ZNF845: variants seen among roughly 807,000 people sequenced by gnomAD.
ZNF845 encodes zinc finger protein 845.
Under a neutral mutation model 76.1 loss-of-function variants are expected in ZNF845, and 59 were observed. That is an observed-to-expected ratio of 0.78 (90% confidence interval 0.63 to 0.96). The LOEUF (loss-of-function observed/expected upper bound fraction) is 0.96. Ranked by LOEUF, ZNF845 falls within the 40% of genes least tolerant of loss-of-function variation. ZNF845 has a pLI of 0.00. For missense variants in ZNF845, 1,045 were observed against 1,172.8 expected (o/e 0.89, Z 1.59); for synonymous variants, 361 against 386.9 (o/e 0.93, Z 0.78).
intron 1 of ZNF845, among the ~76,000 whole-genome samples, chr19:53,335,676 G>A (rs1186573269): frequency 6.6e-6 from 1 of 151,876 alleles, no homozygotes; most frequent in African/African-American, 2.4e-5. Context: ...ATCTCGGCTC[G>A]CTGCAATTTC....
chr19:53,346,254 T>C, intron 3 of ZNF845: 1 of 283,002 alleles, frequency 3.5e-6, no homozygotes, highest in South Asian at 2.6e-5. Context: ...CTTTTTGCGT[T>C]TAATTGCTTT....
chr19:53,336,487 G>T (rs963082974), intron 1 of ZNF845, among the ~76,000 whole-genome samples: 9 of 152,088 alleles, frequency 5.9e-5, no homozygotes, highest in African/African-American at 2.2e-4. Flanking sequence ...TGCAGCCTGG[G>T]GGGCAGAGCG....
intron 1 of ZNF845, chr19:53,337,136 G>C (rs1219413170): frequency 2.2e-6 from 1 of 456,814 alleles, no homozygotes; most frequent in Non-Finnish European, 4.4e-6. Context: ...CTCTGCCCCA[G>C]TCATATTTGC....
At position 53,354,297 on chromosome 19, in the gene ZNF845, T is replaced by C. The variant is rs1270324885; in HGVS notation, c.*709T>C. The C allele has an allele frequency of 9.8e-6, 4 of 408,834 alleles. No homozygotes were observed. Among genetic ancestry groups the C allele is most frequent in the Non-Finnish European group, 2.0e-5 (4 of 201,496 alleles). The allele number at this position is 408,834 out of a possible 1,614,324, so 25.3% of individuals were successfully genotyped here. A position where few individuals can be genotyped will look rare whatever the true frequency, so the allele number is the denominator to read the frequency against. ...CAAACCATCAAGCATTAATTGGCATTAGAGTCAATTCAGCATTGACTTGAG... is the reference window on the plus strand; with the variant it reads ...CAAACCATCAAGCATTAATTGGCATCAGAGTCAATTCAGCATTGACTTGAG... On this transcript the variant is annotated 3_prime_UTR_variant, in exon 4 of 4. Transcript: ENST00000458035.
In ZNF845 at chr19:53,354,044, T is replaced by A. The variant is rs958741318; in HGVS notation, c.*456T>A. On this transcript the variant is annotated 3_prime_UTR_variant, in exon 4 of 4. Coordinates refer to ENST00000458035, the MANE Select transcript of ZNF845 (RefSeq NM_138374.3). ...TGGCAAGGTCTTCAGTCTAGCTTCA[T>A]CTTATGCAAAACAGGAGACTTCATA... is the stretch of plus-strand genomic sequence containing the variant. 26 of 479,158 alleles carry A rather than the reference T, an allele frequency of 5.4e-5. No homozygotes were observed. The highest frequency in any genetic ancestry group is 4.0e-5 in the African/African-American group (2 of 49,658). The allele number at this position is 479,158 out of a possible 1,614,324, so 29.7% of individuals were successfully genotyped here. A position where few individuals can be genotyped will look rare whatever the true frequency, so the allele number is the denominator to read the frequency against.
Position 53,334,050 on chromosome 19 carries a change from C to T in ZNF845, c.-74+258C>T, listed in dbSNP as rs375946039. On this transcript the variant is annotated intron_variant, in intron 1 of 3. Transcript: ENST00000458035. The stretch of plus-strand genomic sequence containing the variant: ...ATCGCGTAGTTTCCCTGCTCAAAAC[C>T]TTTTTCTGACTCCTCCCGACCCGCA... Among the ~76,000 whole-genome samples the T allele has an allele frequency of 2.5e-3, 385 of 152,344 alleles. 4 individuals carry two copies. The highest frequency in any genetic ancestry group is 8.8e-3 in the African/African-American group (364 of 41,580).
chr19:53,338,837 T>C (rs2085235920), intron 1 of ZNF845, among the ~76,000 whole-genome samples: 1 of 151,524 alleles, frequency 6.6e-6, no homozygotes, highest in South Asian at 2.1e-4. Context: ...TCCTACAGCT[T>C]TGGGAGGCTA....
rs777640786 is a variant in ZNF845, at chr19:53,351,007, C to T, written c.332C>T (p.Ala111Val). Residue 111 changes from alanine to valine, a missense_variant, in exon 4 of 4, where the codon GCA (alanine) becomes GTA (valine). Ala to Val is a moderately conservative substitution (Grantham distance 64). Coordinates refer to ENST00000458035, the MANE Select transcript of ZNF845 (RefSeq NM_138374.3). ...GAAGATGAAAGAAATAGCCATGAAG[C>T]ACCCATGACAGAAATCAAACAGTTG... Reference protein sequence around the residue: ...WKEDERNSHEAPMTEIKQLTG... With the variant: ...WKEDERNSHEVPMTEIKQLTG... 164 of 1,614,018 alleles carry T rather than the reference C, an allele frequency of 1.0e-4. No homozygotes were observed. Among genetic ancestry groups the T allele is most frequent in the Non-Finnish European group, 1.3e-4 (151 of 1,180,036 alleles).
At chr19:53,347,764 T>C (rs2085307009) in intron 3 of ZNF845, among the ~76,000 whole-genome samples, 1 of 152,210 alleles carries the variant, frequency 6.6e-6, no homozygotes, top group Non-Finnish European at 1.5e-5. Flanking sequence ...AGAAATAGCT[T>C]AGACTGGCCA....
In ZNF845 at chr19:53,355,332, C is replaced by CT. The variant is rs2085377862; in HGVS notation, c.*1745dup. Reference sequence around the variant, plus strand: ...GAATGATCTTTGCTCACTGCAACCTCTGTCTCCCACGTCCAAGCAATTCTG... The same window carrying CT: ...GAATGATCTTTGCTCACTGCAACCTCTTGTCTCCCACGTCCAAGCAATTCTG... On this transcript the variant is annotated 3_prime_UTR_variant, in exon 4 of 4. Coordinates refer to ENST00000458035, the MANE Select transcript of ZNF845 (RefSeq NM_138374.3). 6.6e-6 allele frequency: 1 copy of CT among 152,122 alleles called. No homozygotes were observed. The highest frequency in any genetic ancestry group is 2.4e-5 in the African/African-American group (1 of 41,442). The allele number at this position is 152,122 out of a possible 1,614,324, so 9.4% of individuals were successfully genotyped here. A position where few individuals can be genotyped will look rare whatever the true frequency, so the allele number is the denominator to read the frequency against.
chr19:53,335,721 G>C (rs1599964871), intron 1 of ZNF845, among the ~76,000 whole-genome samples: 1 of 152,146 alleles, frequency 6.6e-6, no homozygotes, highest in East Asian at 1.9e-4. Flanking sequence ...TACTGCCTCA[G>C]CCTCCCAAGT....
chr19:53,352,738 A>G lies in ZNF845; in HGVS notation c.2063A>G (p.Glu688Gly), dbSNP rs1402197889. ...TGCCATCGTAGACTTCATACTGGAG[A>G]GAAACCTTACAAGTGTAATGAGTGT... ...LTCHRRLHTG[E>G]KPYKCNECGK... is the part of the protein sequence containing the mutation. Residue 688 changes from glutamate (E) to glycine (G), a missense_variant, in exon 4 of 4, where the codon GAG (glutamate) becomes GGG (glycine). Transcript: ENST00000458035. The G allele has an allele frequency of 1.9e-6, 3 of 1,614,014 alleles. No homozygotes were observed. Among genetic ancestry groups the G allele is most frequent in the Non-Finnish European group, 2.5e-6 (3 of 1,180,016 alleles).
intron 1 of ZNF845, among the ~76,000 whole-genome samples, chr19:53,339,465 C>A (rs777534420): frequency 5.3e-5 from 8 of 152,190 alleles, no homozygotes; most frequent in African/African-American, 1.9e-4. Context: ...TTGATCCCCT[C>A]CCTCAAGTCT....
rs1301729216 is a variant in ZNF845 at position 53,351,315 on chromosome 19, T to G, written c.640T>G (p.Ser214Ala). The change falls in exon 4 of 4, where the codon TCT (serine) becomes GCT (alanine). Residue 214 changes from serine (S) to alanine (A), a missense_variant. Ser to Ala is a moderately conservative substitution (Grantham distance 99, BLOSUM62 1). Coordinates refer to ENST00000458035, the MANE Select transcript of ZNF845 (RefSeq NM_138374.3). ...QKQEVHMREK[S>A]FQCNESGKAF... The stretch of plus-strand genomic sequence containing the variant: ...GCAGGAAGTACACATGAGAGAAAAA[T>G]CTTTCCAATGTAATGAGAGTGGCAA... The G allele has an allele frequency of 1.2e-6, 2 of 1,614,044 alleles. No individual in the cohort carries two copies. Among genetic ancestry groups the G allele is most frequent in the Admixed American group, 3.3e-5 (2 of 60,012 alleles).
chr19:53,352,766 C>G lies in ZNF845; in HGVS notation c.2091C>G (p.Gly697=), dbSNP rs768656424. ...AACCTTACAAGTGTAATGAGTGTGG[C>G]AAGACCTTCGGTCGAAATTCAGCCC... ...GEKPYKCNEC[G]KTFGRNSALI... is the part of the protein sequence containing the mutation. Residue 697 remains glycine, a synonymous_variant, in exon 4 of 4, where the codon GGC becomes GGG. Coordinates refer to ENST00000458035, the MANE Select transcript of ZNF845 (RefSeq NM_138374.3). The G allele has an allele frequency of 3.7e-6, 6 of 1,613,948 alleles. No homozygotes were observed. The highest frequency in any genetic ancestry group is 5.1e-6 in the Non-Finnish European group (6 of 1,180,012).
chr19:53,349,211 A>C (rs1157790415), intron 3 of ZNF845, among the ~76,000 whole-genome samples: 1 of 152,094 alleles, frequency 6.6e-6, no homozygotes, highest in East Asian at 1.9e-4. Flanking sequence ...CTCGTACATC[A>C]GAAGGTAATG....
chr19:53,339,340 A>G (rs1190968077), intron 1 of ZNF845, among the ~76,000 whole-genome samples: 2 of 152,120 alleles, frequency 1.3e-5, no homozygotes, highest in East Asian at 3.9e-4. Context: ...CCCAGCACAC[A>G]CCGTCACCCA....
intron 3 of ZNF845, among the ~76,000 whole-genome samples, chr19:53,348,006 G>A (rs1487636895): frequency 6.6e-6 from 1 of 152,266 alleles, no homozygotes; most frequent in African/African-American, 2.4e-5. Context: ...CCTGGCCAAC[G>A]CGGTGAAATC....
chr19:53,341,108 C>G (rs2085253478), intron 1 of ZNF845, 127 bp from the exon 2 acceptor site: 2 of 912,532 alleles, frequency 2.2e-6, no homozygotes, highest in South Asian at 1.8e-5. Context: ...AGTTTATCGT[C>G]CCTGGTACAG....
Sources: allele counts gnomAD v4.1 joint callset (sites outside exome capture counted in the v4.1 genomes callset), GRCh38; gene constraint gnomAD v4.1.1; transcripts MANE v1.5; gene names NCBI Gene and HGNC (gene_info 2026-07-23, HGNC 2026-07-21).